The following AARS1 variants were observed in gnomAD, a reference collection of about 807,000 sequenced individuals.
The protein encoded by AARS1 is alanine--tRNA ligase, cytoplasmic.
A neutral mutation model predicts 108.9 loss-of-function variants in AARS1; 72 were observed. The observed-to-expected ratio is 0.66, with a 90% CI of 0.55 to 0.80. The LOEUF is 0.80. Among genes scored for constraint, AARS1 ranks in the 30% least tolerant of loss-of-function variants. The pLI, the probability that AARS1 is intolerant of heterozygous loss-of-function variation, is 0.00. For missense variants in AARS1, 1,193 were observed against 1,233.2 expected (o/e 0.97, Z 0.49); for synonymous variants, 489 against 465.7 (o/e 1.05, Z -0.64).
intron 4 of AARS1, among the ~76,000 whole-genome samples, chr16:70,275,634 G>A (rs976904208): frequency 2.0e-5 from 3 of 151,654 alleles, no homozygotes; most frequent in Non-Finnish European, 1.5e-5. Context: ...GTGGTGGTGG[G>A]CGCCTGTAGT....
At chr16:70,278,592 GA>G (rs1960612331) in intron 2 of AARS1, among the ~76,000 whole-genome samples, 1 of 150,792 alleles carries the variant, frequency 6.6e-6, no homozygotes, top group African/African-American at 2.4e-5. Context: ...AAGAGAGAAA[GA>G]AAAAAATTAG....
intron 5 of AARS1, 121 bp downstream of exon 5, chr16:70,271,660 C>G (rs1438672766): frequency 2.0e-6 from 2 of 1,011,854 alleles, no homozygotes; most frequent in East Asian, 2.6e-5. Context: ...TTCCAGAGAT[C>G]AGACAGGTAA....
chr16:70,271,936 C>T lies in AARS1; in HGVS notation c.516G>A (p.Lys172=), dbSNP rs917381712. ...DDTKILPGNM[K]DNFWEMGDTG... is the part of the protein sequence containing the mutation. ...TGTCACCCATCTCCCAGAAGTTATC[C>T]TTCATGTTGCCTGGGAGGATTTTGG... The change falls in exon 5 of 21, where the codon AAG becomes AAA. Residue 172 remains lysine (K), a synonymous_variant. Coordinates refer to ENST00000261772, the MANE Select transcript of AARS1 (RefSeq NM_001605.3). 1 of 1,613,748 alleles carries T rather than the reference C, an allele frequency of 6.2e-7. No homozygotes were observed. The highest frequency in any genetic ancestry group is 1.1e-5 in the South Asian group (1 of 91,076).
chr16:70,276,301 C>T, intron 4 of AARS1, 185 bp downstream of exon 4: 3 of 630,630 alleles, frequency 4.8e-6, no homozygotes, highest in South Asian at 3.4e-5. Flanking sequence ...GTGGAGTGAT[C>T]TCAGGTCACT....
At chr16:70,285,064 T>C (rs1300799092) in intron 1 of AARS1, among the ~76,000 whole-genome samples, 1 of 152,140 alleles carries the variant, frequency 6.6e-6, no homozygotes, top group Admixed American at 6.6e-5. Flanking sequence ...ACCCCATCTC[T>C]ACTAAAATAC....
intron 4 of AARS1, among the ~76,000 whole-genome samples, chr16:70,275,250 ACT>A (rs10536509): frequency 0.071 from 10,780 of 151,986 alleles, 1,277 homozygotes; most frequent in African/African-American, 0.25. Context: ...ACAGACTGAG[ACT>A]CTGTCTCAAA....
intron 2 of AARS1, among the ~76,000 whole-genome samples, chr16:70,277,801 G>A (rs1343988062): frequency 1.3e-5 from 2 of 148,702 alleles, no homozygotes; most frequent in Admixed American, 1.4e-4. Flanking sequence ...CGCCCAGGCT[G>A]GAGTACAGTG....
At chr16:70,265,365 C>T (rs1233401578) in intron 10 of AARS1, 173 bp downstream of exon 10, 1 of 1,114,016 alleles carries the variant, frequency 9.0e-7, no homozygotes, top group Non-Finnish European at 1.4e-6. Flanking sequence ...TGTCTTCAGA[C>T]ATTATCGCCA....
intron 4 of AARS1, among the ~76,000 whole-genome samples, chr16:70,273,589 G>A (rs971041696): frequency 2.0e-5 from 3 of 151,994 alleles, no homozygotes; most frequent in Non-Finnish European, 2.9e-5. Flanking sequence ...AGGGCCGGGC[G>A]CAGTGGCTCA....
intron 1 of AARS1, among the ~76,000 whole-genome samples, 174 bp from the exon 2 acceptor site, chr16:70,282,958 G>C (rs1256362295): frequency 1.3e-5 from 2 of 152,154 alleles, no homozygotes; most frequent in Non-Finnish European, 2.9e-5. Flanking sequence ...CCAGCAGACA[G>C]CAGCCCCATC....
chr16:70,283,591 T>C (rs914174625), intron 1 of AARS1, among the ~76,000 whole-genome samples: 4 of 152,066 alleles, frequency 2.6e-5, no homozygotes, highest in African/African-American at 9.7e-5. Flanking sequence ...TTCAGCTCTG[T>C]GTTAATGTAC....
intron 10 of AARS1, 186 bp from the exon 11 acceptor site, chr16:70,265,288 G>T: frequency 2.1e-6 from 2 of 938,786 alleles, no homozygotes; most frequent in Non-Finnish European, 3.3e-6. Flanking sequence ...GTGGGATGCT[G>T]AGGGGCACCC....
At chr16:70,286,101 G>A (rs1960831705) in intron 1 of AARS1, among the ~76,000 whole-genome samples, 2 of 152,082 alleles carry the variant, frequency 1.3e-5, no homozygotes, top group South Asian at 2.1e-4. Flanking sequence ...TTAACTATGA[G>A]TCTATGAAGG....
chr16:70,258,897 G>C (rs1400569363), intron 14 of AARS1, 83 bp downstream of exon 14: 2 of 607,554 alleles, frequency 3.3e-6, no homozygotes, highest in African/African-American at 1.6e-5. Flanking sequence ...TGATACAACA[G>C]AGTGAGAGCA....
rs1179099210 is a variant in AARS1 at position 70,262,411 on chromosome 16, C to A, written c.1606G>T (p.Ala536Ser). 1.2e-6 allele frequency: 2 copies of A among 1,614,210 alleles called. No individual in the cohort carries two copies. Among genetic ancestry groups the A allele is most frequent in the Non-Finnish European group, 1.7e-6 (2 of 1,180,044 alleles). ...TCATAGATCTGGCCTCCTTGCTCAG[C>A]ATAGAAACAGGTCTTGTCCAGCACC... The part of the protein sequence containing the change: ...GVVLDKTCFY[A>S]EQGGQIYDEG... Residue 536 changes from alanine (A) to serine (S), a missense_variant, in exon 12 of 21, where the codon GCT (alanine) becomes TCT (serine). Ala to Ser is a moderately conservative substitution (Grantham distance 99). Transcript: ENST00000261772.
chr16:70,288,068 A>G (rs1305104886), intron 1 of AARS1, among the ~76,000 whole-genome samples: 1 of 129,698 alleles, frequency 7.7e-6, no homozygotes, highest in East Asian at 2.4e-4. Flanking sequence ...CCCGGCCAAG[A>G]CACTTATTTA....
At position 70,271,601 on chromosome 16, in the gene AARS1, C is replaced by G. The variant is rs16970361; in HGVS notation, c.671+180G>C. On this transcript the variant is annotated intron_variant, in intron 5 of 20. Coordinates refer to ENST00000261772, the MANE Select transcript of AARS1 (RefSeq NM_001605.3). Reference sequence around the variant, plus strand: ...CATTATAGGAATAGCTCGCAAGAAGCTATTATGTGCGATAAGGTTTAGTTC... The same window carrying G: ...CATTATAGGAATAGCTCGCAAGAAGGTATTATGTGCGATAAGGTTTAGTTC... 0.071 allele frequency among the ~76,000 whole-genome samples: 10,793 copies of G among 151,874 alleles called. 1,283 individuals carry two copies. Among genetic ancestry groups the G allele is most frequent in the African/African-American group, 0.25 (10,191 of 41,384 alleles).
At chr16:70,275,334 G>A (rs12149660) in intron 4 of AARS1, among the ~76,000 whole-genome samples, 13,989 of 151,934 alleles carry the variant, frequency 0.092, 853 homozygotes, top group South Asian at 0.18. Context: ...TAAAGATATG[G>A]GCCAGGCGTG....
intron 12 of AARS1, 86 bp from the exon 13 acceptor site, chr16:70,261,243 T>A: frequency 1.1e-6 from 1 of 940,630 alleles, no homozygotes. Flanking sequence ...CTCGTGTATA[T>A]AACTTCTCTT....
Sources: allele counts gnomAD v4.1 joint callset (sites outside exome capture counted in the v4.1 genomes callset), GRCh38; gene constraint gnomAD v4.1.1; transcripts MANE v1.5; gene names NCBI Gene and HGNC (gene_info 2026-07-23, HGNC 2026-07-21).